The following PSMB7 variants were observed in gnomAD, a reference collection of about 807,000 sequenced individuals.
The protein encoded by PSMB7 is proteasome subunit beta type-7.
PSMB7 carries 5 observed loss-of-function variants against 28.1 expected under a neutral mutation model. The observed-to-expected ratio is 0.18, with a 90% CI of 0.09 to 0.37. The LOEUF is 0.37. Among genes scored for constraint, PSMB7 ranks in the 10% least tolerant of loss-of-function variants. The pLI, the probability that PSMB7 is intolerant of heterozygous loss-of-function variation, is 1.00. For missense variants in PSMB7, 275 were observed against 346.2 expected, an observed-to-expected ratio of 0.79 and a Z score of 1.63; for synonymous variants, 122 against 123.7, an observed-to-expected ratio of 0.99 and a Z score of 0.09.
chr9:124,406,398 A>G (rs1830963759), intron 4 of PSMB7, among the ~76,000 whole-genome samples: 1 of 148,882 alleles, frequency 6.7e-6, no homozygotes, highest in Non-Finnish European at 1.5e-5. Context: ...GATACTTGGG[A>G]GGCTAAGGTG....
At chr9:124,366,104 AAT>A (rs549293601) in intron 6 of PSMB7, among the ~76,000 whole-genome samples, 136 of 131,292 alleles carry the variant, frequency 1.0e-3, no homozygotes, top group African/African-American at 3.6e-3. Flanking sequence ...ATTAAAAAAA[AAT>A]TTTTTTAATA....
chr9:124,359,399 C>G (rs1371801598), intron 6 of PSMB7, among the ~76,000 whole-genome samples: 1 of 152,212 alleles, frequency 6.6e-6, no homozygotes, highest in Non-Finnish European at 1.5e-5. Flanking sequence ...TACCAGCACT[C>G]TAACGTGCCA....
intron 5 of PSMB7, among the ~76,000 whole-genome samples, chr9:124,387,013 G>A (rs748584530): frequency 4.6e-5 from 7 of 152,304 alleles, no homozygotes; most frequent in South Asian, 2.1e-4. Context: ...TTGGGAGGCC[G>A]AGGTGGGCGG....
intron 4 of PSMB7, among the ~76,000 whole-genome samples, chr9:124,407,247 A>C (rs1407412995): frequency 6.6e-6 from 1 of 152,248 alleles, no homozygotes; most frequent in Admixed American, 6.5e-5. Context: ...ACACATCCAG[A>C]AGTGCTCTAA....
intron 5 of PSMB7, among the ~76,000 whole-genome samples, chr9:124,399,331 C>T (rs573039947): frequency 1.1e-4 from 16 of 152,258 alleles, no homozygotes; most frequent in Admixed American, 1.0e-3. Context: ...AGGGACAATG[C>T]CTAGGGGAAG....
intron 6 of PSMB7, among the ~76,000 whole-genome samples, chr9:124,375,747 A>G (rs1221644855): frequency 6.6e-6 from 1 of 152,186 alleles, no homozygotes; most frequent in African/African-American, 2.4e-5. Context: ...ATTTACTTAA[A>G]ACTCTGTGTT....
At chr9:124,383,047 A>G (rs1183563963) in intron 6 of PSMB7, among the ~76,000 whole-genome samples, 2 of 152,204 alleles carry the variant, frequency 1.3e-5, no homozygotes, top group African/African-American at 4.8e-5. Flanking sequence ...GCCTCCTTGT[A>G]CCTCTGTGAG....
intron 6 of PSMB7, among the ~76,000 whole-genome samples, chr9:124,378,604 T>C (rs1830636336): frequency 6.6e-6 from 1 of 152,222 alleles, no homozygotes; most frequent in East Asian, 1.9e-4. Flanking sequence ...AGTATTGATC[T>C]TGACAGACTA....
At chr9:124,394,433 C>T (rs1210848584) in intron 5 of PSMB7, among the ~76,000 whole-genome samples, 2 of 152,190 alleles carry the variant, frequency 1.3e-5, no homozygotes, top group African/African-American at 4.8e-5. Context: ...GTTAACCTCA[C>T]TCTCTCTCAG....
intron 6 of PSMB7, among the ~76,000 whole-genome samples, chr9:124,369,386 AAC>A (rs1181680537): frequency 6.6e-6 from 1 of 152,196 alleles, no homozygotes; most frequent in Non-Finnish European, 1.5e-5. Context: ...CGCCATGCAC[AAC>A]ACACTAAGTA....
chr9:124,355,153 T>G (rs540842929), intron 7 of PSMB7, among the ~76,000 whole-genome samples: 10 of 152,374 alleles, frequency 6.6e-5, no homozygotes, highest in African/African-American at 2.4e-4. Flanking sequence ...TCCAGGGAGC[T>G]TGGACACTTG....
At chr9:124,400,676 C>A (rs1389773860) in intron 5 of PSMB7, among the ~76,000 whole-genome samples, 6 of 152,328 alleles carry the variant, frequency 3.9e-5, no homozygotes, top group Non-Finnish European at 8.8e-5. Flanking sequence ...ACATTGTGAG[C>A]CACCTGCTAT....
At position 124,396,697 on chromosome 9, in the gene PSMB7, T is replaced by C. The variant is rs541613890; in HGVS notation, c.511+8620A>G. The C allele has an allele frequency of 2.7e-5, 12 of 437,632 alleles. No homozygotes were observed. The East Asian group carries it at 7.8e-4, about 28-fold the overall frequency. 27.1% of individuals were successfully genotyped at this position (437,632 alleles called of 1,614,324 possible). ...CAGGAATGTCATGCTTGAAATTTTATTCATGTTAATTCTCTATGTGGATAA... is the reference window on the plus strand; with the variant it reads ...CAGGAATGTCATGCTTGAAATTTTACTCATGTTAATTCTCTATGTGGATAA... On this transcript the variant is annotated intron_variant, in intron 5 of 7. Transcript: ENST00000259457.
intron 6 of PSMB7, among the ~76,000 whole-genome samples, chr9:124,360,324 G>C (rs1830453638): frequency 6.6e-6 from 1 of 152,256 alleles, no homozygotes; most frequent in Non-Finnish European, 1.5e-5. Context: ...TTTAGGATTA[G>C]TTCTTCGTAG....
chr9:124,388,631 A>G (rs1477525172), intron 5 of PSMB7, among the ~76,000 whole-genome samples: 1 of 152,102 alleles, frequency 6.6e-6, no homozygotes, highest in Non-Finnish European at 1.5e-5. Flanking sequence ...TATATGCTAC[A>G]ATACAGTTGA....
chr9:124,381,433 G>C (rs933702098), intron 6 of PSMB7, among the ~76,000 whole-genome samples: 1 of 152,216 alleles, frequency 6.6e-6, no homozygotes, highest in Non-Finnish European at 1.5e-5. Context: ...CTGTGAGTGA[G>C]TGGCAGTTAC....
At chr9:124,392,413 A>C (rs1437643982) in intron 5 of PSMB7, among the ~76,000 whole-genome samples, 1 of 152,202 alleles carries the variant, frequency 6.6e-6, no homozygotes, top group Non-Finnish European at 1.5e-5. Flanking sequence ...AGGAGGCACA[A>C]GCAACTGCAT....
intron 5 of PSMB7, among the ~76,000 whole-genome samples, chr9:124,394,768 C>T (rs775743220): frequency 2.0e-5 from 3 of 152,164 alleles, no homozygotes; most frequent in Non-Finnish European, 4.4e-5. Context: ...TAAGTATTTT[C>T]TCATTTCCTG....
At chr9:124,383,072 T>C (rs1480474611) in intron 6 of PSMB7, among the ~76,000 whole-genome samples, 1 of 152,212 alleles carries the variant, frequency 6.6e-6, no homozygotes, top group East Asian at 1.9e-4. Flanking sequence ...AATGGATGCG[T>C]AGAACCTTAG....
Sources: allele counts gnomAD v4.1 joint callset (sites outside exome capture counted in the v4.1 genomes callset), GRCh38; gene constraint gnomAD v4.1.1; transcripts MANE v1.5; gene names NCBI Gene and HGNC (gene_info 2026-07-23, HGNC 2026-07-21).